Variants in FGF14 observed in about 807,000 individuals in gnomAD.
FGF14 encodes the protein fibroblast growth factor homologous factor 4.
FGF14 carries 5 observed loss-of-function variants against 25.5 expected under a neutral mutation model. That is an observed-to-expected ratio of 0.20 (90% CI 0.10 to 0.41). FGF14 has a LOEUF of 0.41. FGF14 is among the 10% of genes least tolerant of loss of function. The probability of loss-of-function intolerance (pLI) is 1.00; values close to 1 mark genes in which losing one functional copy is unlikely to be tolerated. For synonymous variants in FGF14, 138 were observed against 118.3 expected (o/e 1.17, Z -1.08); for missense variants, 222 against 320.1 (o/e 0.69, Z 2.34).
At position 101,760,469 on chromosome 13, in the gene FGF14, C is replaced by T. The variant is rs528989625; in HGVS notation, c.409-33659G>A. On this transcript the variant is annotated intron_variant, in intron 3 of 4. Transcript: ENST00000376143. The stretch of plus-strand genomic sequence containing the variant: ...GGGAGAGTTAAAGTGGCAACAAAAT[C>T]GATGAAAAGTAAGCATAAAGTGCAC... Among the ~76,000 whole-genome samples the T allele has an allele frequency of 4.6e-5, 7 of 152,206 alleles. No individual in the cohort carries two copies. The South Asian group carries it at 1.0e-3, about 23-fold the overall frequency.
intron 1 of FGF14, among the ~76,000 whole-genome samples, chr13:102,328,656 C>T (rs767955994): frequency 5.3e-5 from 8 of 152,128 alleles, no homozygotes; most frequent in Non-Finnish European, 8.8e-5. Flanking sequence ...GTGTGATACA[C>T]GAAGGAGGAG....
At chr13:101,992,093 A>T (rs574095508) in intron 1 of FGF14, among the ~76,000 whole-genome samples, 1 of 152,262 alleles carries the variant, frequency 6.6e-6, no homozygotes, top group African/African-American at 2.4e-5. Context: ...AAACACTCAG[A>T]CCTAAACATA....
chr13:102,323,779 T>C (rs1482372120), intron 1 of FGF14, among the ~76,000 whole-genome samples: 1 of 152,178 alleles, frequency 6.6e-6, no homozygotes, highest in African/African-American at 2.4e-5. Flanking sequence ...TAAAATCTCA[T>C]ACTCATAGGA....
At chr13:101,881,600 T>C (rs998156783) in intron 1 of FGF14, among the ~76,000 whole-genome samples, 1 of 151,658 alleles carries the variant, frequency 6.6e-6, no homozygotes, top group African/African-American at 2.4e-5. Flanking sequence ...CACGTATCTT[T>C]TGGTGATAAC....
chr13:102,199,709 T>C (rs2049526899), intron 1 of FGF14, among the ~76,000 whole-genome samples: 2 of 152,190 alleles, frequency 1.3e-5, no homozygotes, highest in Admixed American at 1.3e-4. Context: ...TACACTCTAA[T>C]CTCACGCACT....
chr13:101,928,575 T>A (rs2034532199), intron 1 of FGF14, among the ~76,000 whole-genome samples: 1 of 152,194 alleles, frequency 6.6e-6, no homozygotes. Context: ...TCCCACTCTG[T>A]TGCCAGGCTG....
At chr13:101,983,508 G>C (rs1343856239) in intron 1 of FGF14, among the ~76,000 whole-genome samples, 1 of 152,018 alleles carries the variant, frequency 6.6e-6, no homozygotes, top group African/African-American at 2.4e-5. Context: ...TCCAAATCCA[G>C]AGAAAAATAA....
At chr13:102,164,450 T>C (rs1402377509) in intron 1 of FGF14, among the ~76,000 whole-genome samples, 1 of 152,076 alleles carries the variant, frequency 6.6e-6, no homozygotes, top group Non-Finnish European at 1.5e-5. Context: ...AACAATATCT[T>C]TGGGAATTCA....
chr13:102,101,611 C>G lies in FGF14; in HGVS notation c.209-226315G>C, dbSNP rs576170774. On this transcript the variant is annotated intron_variant, in intron 1 of 4. Transcript: ENST00000376131. ...ATTCATCCCAAAGCAAAGTGCAGTT[C>G]CAAAGAGTCTAAAAACTTGTAGAGA... Among the ~76,000 whole-genome samples the G allele has an allele frequency of 1.4e-3, 207 of 152,264 alleles. 1 individual carries two copies. The Middle Eastern group carries it at 0.02, about 15-fold the overall frequency.
chr13:102,044,763 T>C (rs2041904598), intron 1 of FGF14, among the ~76,000 whole-genome samples: 1 of 152,150 alleles, frequency 6.6e-6, no homozygotes, highest in African/African-American at 2.4e-5. Flanking sequence ...AGAAGAAAGA[T>C]ATACATCGTC....
In FGF14 at chr13:102,227,113, CTTAT is replaced by C. The variant is rs1435214604; in HGVS notation, c.208+174354_208+174357del. ...TTCCCAGTTTAATATTTAATGGATT[CTTAT>C]TTTTCTCAAAATAAAGCCTATATTA... On this transcript the variant is annotated intron_variant, in intron 1 of 4. Coordinates refer to the FGF14 transcript ENST00000376131. Among the ~76,000 whole-genome samples the C allele has an allele frequency of 4.6e-5, 7 of 152,182 alleles. No homozygotes were observed. In the East Asian group the frequency reaches 1.4e-3, roughly 29 times the overall value.
At chr13:101,850,277 TCCAAAAAA>T (rs1353701035) in intron 3 of FGF14, among the ~76,000 whole-genome samples, 3,349 of 35,560 alleles carry the variant, frequency 0.094, 281 homozygotes, top group African/African-American at 0.27. Flanking sequence ...CTACTAAAAA[TCCAAAAAA>T]AAAAAAAAAA....
At chr13:102,401,126 A>G (rs923872023) in intron 1 of FGF14, among the ~76,000 whole-genome samples, 2 of 152,122 alleles carry the variant, frequency 1.3e-5, no homozygotes, top group African/African-American at 4.8e-5. Flanking sequence ...TTTTCCTGGC[A>G]ACTACCGAAG....
chr13:101,930,092 G>A (rs1176314209), intron 1 of FGF14, among the ~76,000 whole-genome samples: 1 of 152,086 alleles, frequency 6.6e-6, no homozygotes, highest in Non-Finnish European at 1.5e-5. Flanking sequence ...TATATCAAAA[G>A]GCTTGCATTT....
At chr13:102,009,445 T>C (rs2039969727) in intron 1 of FGF14, among the ~76,000 whole-genome samples, 1 of 152,190 alleles carries the variant, frequency 6.6e-6, no homozygotes, top group South Asian at 2.1e-4. Context: ...GTGGTTTCAC[T>C]GTGCATTGTA....
chr13:101,790,893 G>A (rs2149260), intron 3 of FGF14, among the ~76,000 whole-genome samples: 68,980 of 152,002 alleles, frequency 0.45, 17,485 homozygotes, highest in Non-Finnish European at 0.57. Context: ...TTGTTTTTAT[G>A]TGTACCAACT....
At chr13:102,370,150 C>T (rs1260337879) in intron 1 of FGF14, among the ~76,000 whole-genome samples, 2 of 151,994 alleles carry the variant, frequency 1.3e-5, no homozygotes, top group Admixed American at 6.6e-5. Context: ...TGCCACCATG[C>T]CCAGCTAATT....
At chr13:101,741,229 G>A (rs2036534080) in intron 3 of FGF14, among the ~76,000 whole-genome samples, 1 of 152,146 alleles carries the variant, frequency 6.6e-6, no homozygotes, top group Admixed American at 6.5e-5. Context: ...CCAGCTATAT[G>A]GGAGGGTGAG....
At position 101,959,676 on chromosome 13, in the gene FGF14, C is replaced by A. The variant is rs141251897; in HGVS notation, c.209-84380G>T. ...TTCCACAAGCAAATTTCTCTGATTT[C>A]TCTGGTCAAAGCCTATTACTTTCTT... On this transcript the variant is annotated intron_variant, in intron 1 of 4. Transcript: ENST00000376131. Among the ~76,000 whole-genome samples, 46 of 152,284 alleles carry A rather than the reference C, an allele frequency of 3.0e-4. No homozygotes were observed. The Middle Eastern group carries it at 0.014, about 45-fold the overall frequency.
Sources: gnomAD v4.1 joint callset for allele counts (sites outside exome capture counted in the v4.1 genomes callset) on GRCh38, gnomAD v4.1.1 for gene constraint, MANE v1.5 for transcripts, NCBI Gene and HGNC (gene_info 2026-07-23, HGNC 2026-07-21) for gene names.